The following PCBP3 variants were observed in gnomAD, a reference collection of about 807,000 sequenced individuals.
PCBP3 encodes the protein poly(rC) binding protein 3, also known as poly(rC)-binding protein 3.
PCBP3 carries 25 observed loss-of-function variants against 52.7 expected under a neutral mutation model. That is an observed-to-expected ratio of 0.47 (90% confidence interval 0.35 to 0.66). The LOEUF (loss-of-function observed/expected upper bound fraction) is 0.66. Ranked by LOEUF, PCBP3 falls within the 30% of genes least tolerant of loss-of-function variation. The pLI is 0.01. For synonymous variants in PCBP3, 162 were observed against 183.0 expected, an observed-to-expected ratio of 0.89 and a Z score of 0.93; for missense variants, 391 against 490.3, an observed-to-expected ratio of 0.80 and a Z score of 1.91.
In PCBP3 at chr21:45,935,289, T is replaced by C. The variant is rs748525086; in HGVS notation, c.893T>C (p.Leu298Pro). 1 of 1,613,030 alleles carries C rather than the reference T, an allele frequency of 6.2e-7. No homozygotes were observed. The highest frequency in any genetic ancestry group is 8.5e-7 in the Non-Finnish European group (1 of 1,179,398). The part of the protein sequence containing the change: ...DASPPASTHE[L>P]TIPNDLIGCI... ...AGCCCACCGGCCAGCACTCATGAGC[T>C]CACCATTCCCAATGATGTGAGTATG... is the stretch of plus-strand genomic sequence containing the variant. The change falls in exon 16 of 18, where the codon CTC becomes CCC. Residue 298 changes from leucine (L) to proline (P), a missense_variant. Coordinates refer to ENST00000681687, the MANE Select transcript of PCBP3 (RefSeq NM_001384156.1).
chr21:45,901,531 C>CCT (rs2096039166), intron 9 of PCBP3: 3 of 247,954 alleles, frequency 1.2e-5, no homozygotes, highest in African/African-American at 6.6e-5. Context: ...CAGCCCTGGT[C>CCT]CTCAGCCACA....
intron 5 of PCBP3, among the ~76,000 whole-genome samples, chr21:45,895,087 G>A (rs2095790776): frequency 6.6e-6 from 1 of 152,226 alleles, no homozygotes; most frequent in South Asian, 2.1e-4. Flanking sequence ...TGCATCCCTG[G>A]CTGTGGCTCC....
chr21:45,785,505 GA>G (rs1363009642), intron 4 of PCBP3, among the ~76,000 whole-genome samples: 1 of 71,118 alleles, frequency 1.4e-5, no homozygotes, highest in Admixed American at 1.2e-4. Context: ...CCCCGTCCGG[GA>G]GGGGGGGGGG....
chr21:45,721,931 G>T (rs533481726), intron 2 of PCBP3, among the ~76,000 whole-genome samples: 29 of 152,306 alleles, frequency 1.9e-4, no homozygotes, highest in Non-Finnish European at 4.4e-5. Context: ...GCAAGCTTCT[G>T]GGGGCTCTTT....
intron 16 of PCBP3, among the ~76,000 whole-genome samples, chr21:45,936,249 G>A (rs2076878147): frequency 6.6e-6 from 1 of 152,236 alleles, no homozygotes; most frequent in South Asian, 2.1e-4. Flanking sequence ...AGGCAGAAGA[G>A]AGCAGGGTCG....
intron 4 of PCBP3, among the ~76,000 whole-genome samples, chr21:45,834,154 G>T (rs1406890285): frequency 6.6e-6 from 1 of 152,090 alleles, no homozygotes; most frequent in Non-Finnish European, 1.5e-5. Context: ...AGGAGTCTGG[G>T]TCTACGTGGA....
At chr21:45,909,530 C>T (rs764410213) in intron 10 of PCBP3, 44 bp downstream of exon 10, 54 of 1,592,994 alleles carry the variant, frequency 3.4e-5, no homozygotes, top group Admixed American at 8.5e-5. Context: ...AGCCTCTAGG[C>T]GGGCTGCGGG....
At chr21:45,703,457 A>G (rs2083256714) in intron 2 of PCBP3, among the ~76,000 whole-genome samples, 1 of 152,144 alleles carries the variant, frequency 6.6e-6, no homozygotes, top group Non-Finnish European at 1.5e-5. Flanking sequence ...TCTCCATCAG[A>G]GCTCTTGGGT....
intron 4 of PCBP3, among the ~76,000 whole-genome samples, chr21:45,807,967 ATGG>A (rs1235026935): frequency 6.6e-6 from 1 of 152,216 alleles, no homozygotes; most frequent in Non-Finnish European, 1.5e-5. Context: ...TATTTAATAA[ATGG>A]TGTTGGGAAA....
At chr21:45,648,137 C>T (rs2079441853) in intron 1 of PCBP3, among the ~76,000 whole-genome samples, 1 of 152,144 alleles carries the variant, frequency 6.6e-6, no homozygotes, top group Non-Finnish European at 1.5e-5. Flanking sequence ...GTTTCTAGCC[C>T]AGTGAGACCC....
At chr21:45,678,845 T>C (rs1367801817) in intron 2 of PCBP3, among the ~76,000 whole-genome samples, 1 of 151,850 alleles carries the variant, frequency 6.6e-6, no homozygotes, top group Non-Finnish European at 1.5e-5. Flanking sequence ...TTGAAAGAAG[T>C]TATACCATGG....
intron 2 of PCBP3, among the ~76,000 whole-genome samples, chr21:45,706,452 T>C (rs1332571274): frequency 1.3e-5 from 2 of 151,920 alleles, no homozygotes; most frequent in African/African-American, 4.8e-5. Context: ...CTCCCTCTGC[T>C]CTCTCCCTCC....
chr21:45,708,069 G>A (rs2083573041), intron 2 of PCBP3, among the ~76,000 whole-genome samples: 1 of 152,196 alleles, frequency 6.6e-6, no homozygotes, highest in East Asian at 1.9e-4. Flanking sequence ...GACTGAGGAA[G>A]TTTAATTCTA....
rs74337180 is a variant in PCBP3, at chr21:45,930,351, C to T, written c.796+356C>T. 3.6e-3 allele frequency among the ~76,000 whole-genome samples: 544 copies of T among 152,272 alleles called. 4 individuals carry two copies. Among genetic ancestry groups the T allele is most frequent in the African/African-American group, 0.013 (530 of 41,556 alleles). On this transcript the variant is annotated intron_variant, in intron 14 of 17. Coordinates refer to ENST00000681687, the MANE Select transcript of PCBP3 (RefSeq NM_001384156.1). ...CTGCTGAGCGTACCCACTGGGCCGC[C>T]CTGGAGGCTTTTCTCTCCAGGAGCA...
At chr21:45,783,256 A>G (rs927175741) in intron 4 of PCBP3, among the ~76,000 whole-genome samples, 1 of 152,120 alleles carries the variant, frequency 6.6e-6, no homozygotes, top group Non-Finnish European at 1.5e-5. Flanking sequence ...GGCCATTTGG[A>G]GCTCCTCTTT....
chr21:45,688,137 T>C (rs781092635), intron 2 of PCBP3, among the ~76,000 whole-genome samples: 1 of 152,166 alleles, frequency 6.6e-6, no homozygotes, highest in Non-Finnish European at 1.5e-5. Context: ...GAATTAAAAG[T>C]AGAAATAAGA....
intron 4 of PCBP3, among the ~76,000 whole-genome samples, chr21:45,816,801 G>A (rs753023856): frequency 4.6e-5 from 7 of 150,956 alleles, no homozygotes; most frequent in Non-Finnish European, 1.0e-4. Context: ...ATATAGTATA[G>A]TAAATACACA....
At position 45,917,528 on chromosome 21, in the gene PCBP3, C is replaced by T. The variant is rs943907657; in HGVS notation, c.676-60C>T. The stretch of plus-strand genomic sequence containing the variant: ...TCCTTGTCATGCTGGAGGGTGGCGG[C>T]GGGTGCTGAGCCGTGGTGCAGCCAG... On this transcript the variant is annotated intron_variant, in intron 12 of 17. Coordinates refer to ENST00000681687, the MANE Select transcript of PCBP3 (RefSeq NM_001384156.1). The surrounding 1 kb of genome is among the most constrained non-coding windows in gnomAD (Gnocchi z 5.3). The T allele has an allele frequency of 1.5e-5, 21 of 1,364,760 alleles. 1 individual carries two copies. The highest frequency in any genetic ancestry group is 1.0e-4 in the Admixed American group (6 of 59,548). The allele number at this position is 1,364,760 out of a possible 1,614,324, so 84.5% of individuals were successfully genotyped here.
chr21:45,906,835 C>G (rs1382249108), intron 9 of PCBP3, among the ~76,000 whole-genome samples: 28 of 152,200 alleles, frequency 1.8e-4, no homozygotes, highest in Admixed American at 1.8e-3. Flanking sequence ...GTTTTCCAAT[C>G]AAGGGCCCAA....
Sources: gnomAD v4.1 joint callset for allele counts (sites outside exome capture counted in the v4.1 genomes callset) on GRCh38, gnomAD v4.1.1 for gene constraint, Gnocchi (gnomAD v3.1) non-coding constraint, MANE v1.5 for transcripts, NCBI Gene and HGNC (gene_info 2026-07-23, HGNC 2026-07-21) for gene names.